The following RNH1 variants were observed in gnomAD, a reference collection of about 807,000 sequenced individuals.
The protein encoded by RNH1 is ribonuclease inhibitor.
A neutral mutation model predicts 46.1 loss-of-function variants in RNH1; 38 were observed. That is an observed-to-expected ratio of 0.82 (90% CI 0.64 to 1.08). The LOEUF is 1.08. RNH1 is among the 50% of genes least tolerant of loss of function. RNH1 has a pLI of 0.00. For synonymous variants in RNH1, 319 were observed against 279.1 expected (o/e 1.14, Z -1.43); for missense variants, 577 against 590.7 (o/e 0.98, Z 0.24).
intron 10 of RNH1, 31 bp from the exon 11 acceptor site, chr11:494,809 C>A: frequency 6.2e-7 from 1 of 1,613,178 alleles, no homozygotes; most frequent in East Asian, 2.2e-5. Context: ...AGGCATGGGC[C>A]CGTGTCCTCC....
chr11:505,857 C>T (rs1006021422), intron 1 of RNH1: 1 of 140,460 alleles, frequency 7.1e-6, no homozygotes, highest in African/African-American at 2.7e-5. Flanking sequence ...GGCTGCAGCG[C>T]ACCCAGCCTA....
At chr11:503,746 G>A (rs1300830210) in intron 2 of RNH1, among the ~76,000 whole-genome samples, 1 of 152,150 alleles carries the variant, frequency 6.6e-6, no homozygotes, top group African/African-American at 2.4e-5. Context: ...CCTCCTCCTG[G>A]GAAAGCTTGG....
At position 495,063 on chromosome 11, in the gene RNH1, G is replaced by T; in HGVS notation, c.1128-10C>A. On this transcript the variant is annotated splice_polypyrimidine_tract_variant and intron_variant, in intron 9 of 10. Transcript: ENST00000354420. ...ATCGCAGTCGGCCAACCTGGGTGAA[G>T]CAGGGCGGGGGTCAGGGTGCCGGGC... is the stretch of plus-strand genomic sequence containing the variant. 1 of 1,601,010 alleles carries T rather than the reference G, an allele frequency of 6.2e-7. No homozygotes were observed.
intron 9 of RNH1, 31 bp from the exon 10 acceptor site, chr11:495,084 CG>C: frequency 6.3e-7 from 1 of 1,590,528 alleles, no homozygotes; most frequent in Non-Finnish European, 8.5e-7. Context: ...GTCAGGGTGC[CG>C]GGCGTGCCTG....
Position 494,692 on chromosome 11 carries a change from CAG to C in RNH1, c.1383_1384del (p.Ter462ArgfsTer54). On this transcript the variant is annotated frameshift_variant and stop_lost, in exon 11 of 11. Coordinates refer to ENST00000354420, the MANE Select transcript of RNH1 (RefSeq NM_203387.3). LOFTEE classifies it high-confidence loss of function. Reference sequence around the variant, plus strand: ...GGGAGAGCAGCAGCAGGAAGAGCCTCAGGAGATGACCCTCAGGGATGGCTTGT... The same window carrying C: ...GGGAGAGCAGCAGCAGGAAGAGCCTCGAGATGACCCTCAGGGATGGCTTGT... 1 of 1,613,550 alleles carries C rather than the reference CAG, an allele frequency of 6.2e-7. No individual in the cohort carries two copies. Among genetic ancestry groups the C allele is most frequent in the Non-Finnish European group, 8.5e-7 (1 of 1,179,786 alleles).
Position 494,872 on chromosome 11 carries a change from C to G in RNH1, c.1298+11G>C. The G allele has an allele frequency of 1.9e-6, 3 of 1,611,942 alleles. No homozygotes were observed. The highest frequency in any genetic ancestry group is 2.5e-6 in the Non-Finnish European group (3 of 1,179,444). ...CCCTGGCCGCACCACCCGCCCAGCG[C>G]GTGCACATACACCAGCTGCTCCAGG... On this transcript the variant is annotated intron_variant, in intron 10 of 10. Coordinates refer to ENST00000354420, the MANE Select transcript of RNH1 (RefSeq NM_203387.3).
chr11:500,410 C>T (rs542149752), intron 4 of RNH1, 74 bp downstream of exon 4: 15 of 1,525,088 alleles, frequency 9.8e-6, no homozygotes, highest in South Asian at 4.8e-5. Context: ...GCGCCCCTGG[C>T]GGCTCTGTCC....
chr11:500,333 G>A (rs1256806462), intron 4 of RNH1, 151 bp downstream of exon 4: 21 of 942,486 alleles, frequency 2.2e-5, no homozygotes, highest in Non-Finnish European at 3.0e-5. Context: ...AGACCGCCAG[G>A]CCTGTGTGCC....
At position 498,011 on chromosome 11, in the gene RNH1, G is replaced by T; in HGVS notation, c.1087C>A (p.Gln363Lys). Residue 363 changes from glutamine (Q) to lysine (K), a missense_variant, in exon 9 of 11, where the codon CAG (glutamine) becomes AAG (lysine). Physicochemically the swap from Gln to Lys is moderately conservative, Grantham distance 53 (BLOSUM62 1). Transcript: ENST00000354420. ...LEDAGVRELC[Q>K]GLGQPGSVLR... ...ACAGAGCCAGGCTGGCCCAGGCCCT[G>T]GCACAGCTCCCGCACGCCCGCATCC... 2 of 1,614,070 alleles carry T rather than the reference G, an allele frequency of 1.2e-6. No individual in the cohort carries two copies. Among genetic ancestry groups the T allele is most frequent in the Non-Finnish European group, 1.7e-6 (2 of 1,180,020 alleles).
rs747067901 is a variant in RNH1 at position 498,883 on chromosome 11, A to G, written c.665T>C (p.Ile222Thr). 2.5e-6 allele frequency: 4 copies of G among 1,612,504 alleles called. No individual in the cohort carries two copies. Among genetic ancestry groups the G allele is most frequent in the Non-Finnish European group, 2.5e-6 (3 of 1,179,828 alleles). ...CCGCAGCGAGGCCTTGGAGGCCACAATGCCGCACAGGTCCCGGCAGTTGTC... is the reference window on the plus strand; with the variant it reads ...CCGCAGCGAGGCCTTGGAGGCCACAGTGCCGCACAGGTCCCGGCAGTTGTC... ...TSDNCRDLCG[I>T]VASKASLREL... Residue 222 changes from isoleucine (I) to threonine (T), a missense_variant, in exon 7 of 11, where the codon ATT becomes ACT. Ile to Thr is a moderately conservative substitution (Grantham distance 89). Coordinates refer to ENST00000354420, the MANE Select transcript of RNH1 (RefSeq NM_203387.3).
At chr11:505,139 T>C (rs961705960) in intron 1 of RNH1, 143 bp from the exon 2 acceptor site, 1 of 152,146 alleles carries the variant, frequency 6.6e-6, no homozygotes, top group Non-Finnish European at 1.5e-5. Flanking sequence ...CCCAACCACC[T>C]TGGGCACATG....
In RNH1 at chr11:502,047, C is replaced by T. The variant is rs749898863; in HGVS notation, c.101+15G>A. The T allele has an allele frequency of 5.6e-6, 9 of 1,603,598 alleles. No individual in the cohort carries two copies. The highest frequency in any genetic ancestry group is 1.7e-4 in the Middle Eastern group (1 of 6,048). On this transcript the variant is annotated intron_variant, in intron 3 of 10. Coordinates refer to ENST00000354420, the MANE Select transcript of RNH1 (RefSeq NM_203387.3). The surrounding 1 kb of genome is among the most constrained non-coding windows in gnomAD (Gnocchi z 5.8). ...CCCCACCAGCACCCCAAGGCCACCC[C>T]GAGAGCAAGCGTACCTGACCACTTG...
chr11:501,535 A>G lies in RNH1; in HGVS notation c.101+527T>C, dbSNP rs1849749016. 6.2e-6 allele frequency: 1 copy of G among 160,002 alleles called. No individual in the cohort carries two copies. Among genetic ancestry groups the G allele is most frequent in the South Asian group, 1.7e-4 (1 of 5,972 alleles). 9.9% of individuals were successfully genotyped at this position (160,002 alleles called of 1,614,324 possible). A position where few individuals can be genotyped will look rare whatever the true frequency, so the allele number is the denominator to read the frequency against. On this transcript the variant is annotated intron_variant, in intron 3 of 10. Coordinates refer to ENST00000354420, the MANE Select transcript of RNH1 (RefSeq NM_203387.3). The surrounding 1 kb of genome is among the most constrained non-coding windows in gnomAD (Gnocchi z 4.1). Reference sequence around the variant, plus strand: ...GTCCGCAGGTACACAGGACCACCTCACCAGGGAGCCCCGTCCGGTCCTCGT... The same window carrying G: ...GTCCGCAGGTACACAGGACCACCTCGCCAGGGAGCCCCGTCCGGTCCTCGT...
intron 3 of RNH1, 193 bp from the exon 4 acceptor site, chr11:500,847 G>T: frequency 1.4e-6 from 1 of 739,466 alleles, no homozygotes; most frequent in Non-Finnish European, 2.4e-6. Context: ...GCTCGCACGT[G>T]GCCAGGCGCG....
rs1848879081 is a variant in RNH1, at chr11:494,709, G to A, written c.1368C>T (p.Ser456=). 1.2e-6 allele frequency: 2 copies of A among 1,613,856 alleles called. No individual in the cohort carries two copies. The highest frequency in any genetic ancestry group is 4.5e-5 in the East Asian group (2 of 44,874). The change falls in exon 11 of 11, where the codon TCC becomes TCT. Residue 456 remains serine, a synonymous_variant. Coordinates refer to ENST00000354420, the MANE Select transcript of RNH1 (RefSeq NM_203387.3). Reference sequence around the variant, plus strand: ...AAGAGCCTCAGGAGATGACCCTCAGGGATGGCTTGTCCTTCTCCAGGGCCT... The same window carrying A: ...AAGAGCCTCAGGAGATGACCCTCAGAGATGGCTTGTCCTTCTCCAGGGCCT... ...RLQALEKDKP[S]LRVIS is the part of the protein sequence containing the mutation.
chr11:500,262 G>C (rs1849622447), intron 4 of RNH1: 1 of 676,114 alleles, frequency 1.5e-6, no homozygotes, highest in Non-Finnish European at 2.5e-6. Context: ...TGGCGGGCAG[G>C]GCCAGATCTT....
At chr11:496,915 G>C (rs1042282922) in intron 9 of RNH1, among the ~76,000 whole-genome samples, 1 of 152,282 alleles carries the variant, frequency 6.6e-6, no homozygotes, top group Non-Finnish European at 1.5e-5. Context: ...AGGGTGGCCA[G>C]GTAGGCTGGA....
chr11:500,602 G>T lies in RNH1; in HGVS notation c.154C>A (p.Leu52Ile). The T allele has an allele frequency of 6.2e-7, 1 of 1,609,888 alleles. No homozygotes were observed. The stretch of plus-strand genomic sequence containing the variant: ...TCTGCCAGTGCAGGGTTGACTCGAA[G>T]TGCAGAGCTGATGTCCTTGCACCGT... ...EARCKDISSA[L>I]RVNPALAELN... Residue 52 changes from leucine (L) to isoleucine (I), a missense_variant, in exon 4 of 11, where the codon CTT becomes ATT. Leu to Ile is a conservative substitution (Grantham distance 5). Transcript: ENST00000354420.
At position 494,987 on chromosome 11, in the gene RNH1, G is replaced by GTGGT. The variant is rs1330272570; in HGVS notation, c.1190_1193dup (p.His398GlnfsTer6). ...TGCTGAGGTCCAGCTCACGCAGGCT[G>GTGGT]TGGTTGGCCAACAGGGTTGCGGCGA... On this transcript the variant is annotated frameshift_variant, in exon 10 of 11. Transcript: ENST00000354420. LOFTEE classifies it high-confidence loss of function. 7.5e-6 allele frequency: 12 copies of GTGGT among 1,605,422 alleles called. No homozygotes were observed. Among genetic ancestry groups the GTGGT allele is most frequent in the Non-Finnish European group, 1.0e-5 (12 of 1,176,516 alleles).
Sources: allele counts gnomAD v4.1 joint callset (sites outside exome capture counted in the v4.1 genomes callset), GRCh38; gene constraint gnomAD v4.1.1; non-coding constraint Gnocchi (gnomAD v3.1); transcripts MANE v1.5; gene names NCBI Gene and HGNC (gene_info 2026-07-23, HGNC 2026-07-21).